Variants in CYP26A1 observed in about 807,000 individuals in gnomAD.
CYP26A1 encodes the protein cytochrome P450 family 26 subfamily A member 1.
Under a neutral mutation model 47.4 loss-of-function variants are expected in CYP26A1, and 46 were observed. The ratio of observed to expected loss-of-function variants is 0.97; its 90% CI spans 0.77 to 1.24. The LOEUF is 1.24. Among genes scored for constraint, CYP26A1 ranks in the 50% most tolerant of loss-of-function variants. CYP26A1 has a pLI of 0.00. For synonymous variants in CYP26A1, 277 were observed against 263.7 expected (o/e 1.05, Z -0.49); for missense variants, 680 against 644.4 (o/e 1.06, Z -0.60).
chr10:93,075,923 A>G lies in CYP26A1; in HGVS notation c.962A>G (p.His321Arg). ...ATCACTTACCTGGGGCTCTACCCAC[A>G]TGTTCTCCAGAAAGTGCGAGAAGAG... Reference protein sequence around the residue: ...SLITYLGLYPHVLQKVREELK... With the variant: ...SLITYLGLYPRVLQKVREELK... Residue 321 changes from histidine to arginine, a missense_variant, in exon 5 of 7, where the codon CAT (histidine) becomes CGT (arginine). Physicochemically the swap from His to Arg is conservative, Grantham distance 29. Coordinates refer to ENST00000224356, the MANE Select transcript of CYP26A1 (RefSeq NM_000783.4). 3 of 1,612,792 alleles carry G rather than the reference A, an allele frequency of 1.9e-6. No homozygotes were observed. Among genetic ancestry groups the G allele is most frequent in the Non-Finnish European group, 2.5e-6 (3 of 1,178,790 alleles).
intron 5 of CYP26A1, chr10:93,076,212 T>C (rs1206859625): frequency 1.9e-6 from 1 of 518,688 alleles, no homozygotes; most frequent in African/African-American, 1.9e-5. Flanking sequence ...CCGTGGAGAT[T>C]CTCAGATAGG....
In CYP26A1 at chr10:93,074,109, C is replaced by A; in HGVS notation, c.175C>A (p.Gln59Lys). 8.0e-7 allele frequency: 1 copy of A among 1,254,248 alleles called. No individual in the cohort carries two copies. The highest frequency in any genetic ancestry group is 1.1e-6 in the Non-Finnish European group (1 of 900,614). 77.7% of individuals were successfully genotyped at this position (1,254,248 alleles called of 1,614,324 possible). ...MGFPFFGETL[Q>K]MVLQRRKFLQ... ...CTTCCCCTTCTTTGGGGAAACCTTGCAGATGGTACTGCAGGTAAGGGAGGG... is the reference window on the plus strand; with the variant it reads ...CTTCCCCTTCTTTGGGGAAACCTTGAAGATGGTACTGCAGGTAAGGGAGGG... The change falls in exon 1 of 7, where the codon CAG becomes AAG. Residue 59 changes from glutamine to lysine, a missense_variant. By Grantham distance (53) the Gln-to-Lys change is moderately conservative. Transcript: ENST00000224356. This position sits in a 1 kb window ranked among gnomAD's most constrained non-coding sequence, Gnocchi z 5.3.
intron 6 of CYP26A1, 133 bp downstream of exon 6, chr10:93,076,829 G>A: frequency 1.1e-6 from 1 of 907,046 alleles, no homozygotes; most frequent in Non-Finnish European, 1.7e-6. Context: ...TCAGCAACCT[G>A]GATCCACCTC....
rs367860330 is a variant in CYP26A1, at chr10:93,075,232, G to A, written c.789G>A (p.Ala263=). The stretch of plus-strand genomic sequence containing the variant: ...TCTGCGGGCTGCGGGCATCCGAGGC[G>A]GGCCAGGGCTGCAAAGACGCGCTGC... ...AKICGLRASE[A]GQGCKDALQL... Residue 263 remains alanine, a synonymous_variant, in exon 4 of 7, where the codon GCG becomes GCA. Coordinates refer to ENST00000224356, the MANE Select transcript of CYP26A1 (RefSeq NM_000783.4). The A allele has an allele frequency of 3.1e-6, 5 of 1,613,916 alleles. No homozygotes were observed. In the African/African-American group the frequency reaches 6.7e-5, roughly 22 times the overall value.
intron 6 of CYP26A1, 31 bp downstream of exon 6, chr10:93,076,727 T>C (rs551595926): frequency 1.0e-5 from 16 of 1,542,450 alleles, no homozygotes; most frequent in Non-Finnish European, 1.4e-5. Flanking sequence ...TTCTCCCTTT[T>C]GTTGTGGTTT....
Position 93,075,970 on chromosome 10 carries a change from C to A in CYP26A1, c.999+10C>A, listed in dbSNP as rs778556527. On this transcript the variant is annotated intron_variant, in intron 5 of 6. Transcript: ENST00000224356. ...AGAGCTGAAGAGTAAGGTAGGGAGA[C>A]TGGGTCTGGGGGTGTCCTTATTAGC... The A allele has an allele frequency of 3.7e-6, 6 of 1,609,828 alleles. No homozygotes were observed. The East Asian group carries it at 1.3e-4, about 36-fold the overall frequency.
rs1222334743 is a variant in CYP26A1 at position 93,074,706 on chromosome 10, G to C, written c.415-73G>C. 7.5e-7 allele frequency: 1 copy of C among 1,332,900 alleles called. No homozygotes were observed. The highest frequency in any genetic ancestry group is 1.4e-5 in the African/African-American group (1 of 69,782). 82.6% of individuals were successfully genotyped at this position (1,332,900 alleles called of 1,614,324 possible). A position where few individuals can be genotyped will look rare whatever the true frequency, so the allele number is the denominator to read the frequency against. Reference sequence around the variant, plus strand: ...CCATGTGTCTGGCAGGACTGGGGGTGTCTGGAAGGGGACGGCGGTAGACGA... The same window carrying C: ...CCATGTGTCTGGCAGGACTGGGGGTCTCTGGAAGGGGACGGCGGTAGACGA... On this transcript the variant is annotated intron_variant, in intron 2 of 6. Coordinates refer to ENST00000224356, the MANE Select transcript of CYP26A1 (RefSeq NM_000783.4). This position sits in a 1 kb window ranked among gnomAD's most constrained non-coding sequence, Gnocchi z 5.3.
rs763817649 is a variant in CYP26A1 at position 93,076,668 on chromosome 10, G to A, written c.1124G>A (p.Arg375Gln). 20 of 1,610,934 alleles carry A rather than the reference G, an allele frequency of 1.2e-5. No homozygotes were observed. Among genetic ancestry groups the A allele is most frequent in the Middle Eastern group, 3.3e-4 (2 of 6,052 alleles). Residue 375 changes from arginine (R) to glutamine (Q), a missense_variant, in exon 6 of 7, where the codon CGG (arginine) becomes CAG (glutamine). Coordinates refer to ENST00000224356, the MANE Select transcript of CYP26A1 (RefSeq NM_000783.4). Reference protein sequence around the residue: ...RLNPPVPGGFRVALKTFELNG... With the variant: ...RLNPPVPGGFQVALKTFELNG... ...AATCCCCCAGTTCCAGGAGGGTTTC[G>A]GGTTGCTCTGAAGACTTTTGAATTA...
chr10:93,073,875 C>T, upstream of CYP26A1: 1 of 661,838 alleles, frequency 1.5e-6, no homozygotes, highest in Admixed American at 2.5e-5. Context: ...AAAGCGGCAG[C>T]GCCGTGGGGT....
In CYP26A1 at chr10:93,077,197, T is replaced by A. The variant is rs1372276928; in HGVS notation, c.1387T>A (p.Cys463Ser). 1.2e-6 allele frequency: 2 copies of A among 1,611,488 alleles called. No individual in the cohort carries two copies. The highest frequency in any genetic ancestry group is 2.2e-5 in the South Asian group (2 of 90,992). Residue 463 changes from cysteine to serine, a missense_variant, in exon 7 of 7, where the codon TGT becomes AGT. Physicochemically the swap from Cys to Ser is moderately radical, Grantham distance 112. Coordinates refer to ENST00000224356, the MANE Select transcript of CYP26A1 (RefSeq NM_000783.4). Reference sequence around the variant, plus strand: ...ATTTACAGTGGAGCTGGCCAGGCATTGTGACTGGCAGCTTCTAAATGGACC... The same window carrying A: ...ATTTACAGTGGAGCTGGCCAGGCATAGTGACTGGCAGCTTCTAAATGGACC... ...KIFTVELARH[C>S]DWQLLNGPPT...
In CYP26A1 at chr10:93,075,002, C is replaced by A. The variant is rs762998559; in HGVS notation, c.638C>A (p.Ala213Asp). The change falls in exon 3 of 7, where the codon GCC (alanine) becomes GAC (aspartate). Residue 213 changes from alanine (A) to aspartate (D), a missense_variant. Physicochemically the swap from Ala to Asp is moderately radical, Grantham distance 126. Transcript: ENST00000224356. ...DGDSEQQLVE[A>D]FEEMTRNLFS... The stretch of plus-strand genomic sequence containing the variant: ...GACTCCGAGCAGCAGCTTGTGGAGG[C>A]CTTCGAGGAAATGACCCGCAATCTC... 6.2e-7 allele frequency: 1 copy of A among 1,613,068 alleles called. No homozygotes were observed. Among genetic ancestry groups the A allele is most frequent in the South Asian group, 1.1e-5 (1 of 91,082 alleles).
rs1213591921 is a variant in CYP26A1 at position 93,074,563 on chromosome 10, A to G, written c.414+31A>G. ...GGCAGGAGGCGACGGCTGGACAGGG[A>G]GGGGGACCCCATTTATGAGCGGAAT... On this transcript the variant is annotated intron_variant, in intron 2 of 6. Transcript: ENST00000224356. This position sits in a 1 kb window ranked among gnomAD's most constrained non-coding sequence, Gnocchi z 5.3. 7.2e-7 allele frequency: 1 copy of G among 1,381,134 alleles called. No homozygotes were observed. Among genetic ancestry groups the G allele is most frequent in the Non-Finnish European group, 1.0e-6 (1 of 968,732 alleles). The allele number at this position is 1,381,134 out of a possible 1,614,324, so 85.6% of individuals were successfully genotyped here. A position where few individuals can be genotyped will look rare whatever the true frequency, so the allele number is the denominator to read the frequency against.
Position 93,074,849 on chromosome 10 carries a change from G to A in CYP26A1, c.485G>A (p.Ser162Asn), listed in dbSNP as rs779780252. Residue 162 changes from serine to asparagine, a missense_variant, in exon 3 of 7, where the codon AGC becomes AAC. Ser to Asn is a conservative substitution (Grantham distance 46, BLOSUM62 1). Transcript: ENST00000224356. The surrounding 1 kb of genome is among the most constrained non-coding windows in gnomAD (Gnocchi z 5.3). ...YVPVITEEVG[S>N]SLEQWLSCGE... ...CCGGTGATCACCGAGGAAGTGGGCA[G>A]CAGCCTGGAGCAGTGGCTGAGCTGC... is the stretch of plus-strand genomic sequence containing the variant. 3 of 1,612,242 alleles carry A rather than the reference G, an allele frequency of 1.9e-6. No homozygotes were observed. The highest frequency in any genetic ancestry group is 1.7e-6 in the Non-Finnish European group (2 of 1,179,874).
chr10:93,074,942 T>C lies in CYP26A1; in HGVS notation c.578T>C (p.Leu193Pro). Residue 193 changes from leucine (L) to proline (P), a missense_variant, in exon 3 of 7, where the codon CTA becomes CCA. Transcript: ENST00000224356. This position sits in a 1 kb window ranked among gnomAD's most constrained non-coding sequence, Gnocchi z 5.3. ...RLMFRIAMRI[L>P]LGCEPQLAGD... ...ATGTTCCGAATCGCCATGCGCATCCTACTGGGCTGCGAACCCCAACTGGCG... is the reference window on the plus strand; with the variant it reads ...ATGTTCCGAATCGCCATGCGCATCCCACTGGGCTGCGAACCCCAACTGGCG... 1 of 1,613,280 alleles carries C rather than the reference T, an allele frequency of 6.2e-7. No individual in the cohort carries two copies. The highest frequency in any genetic ancestry group is 1.6e-4 in the Middle Eastern group (1 of 6,062).
intron 4 of CYP26A1, 190 bp from the exon 5 acceptor site, chr10:93,075,636 C>G: frequency 1.7e-6 from 1 of 592,058 alleles, no homozygotes; most frequent in Non-Finnish European, 3.0e-6. Context: ...GGGTCGTACT[C>G]GCCTTACTGC....
chr10:93,073,899 G>T lies in CYP26A1; in HGVS notation c.-36G>T, dbSNP rs376312987. The T allele has an allele frequency of 9.4e-4, 685 of 731,706 alleles. 12 individuals carry two copies. The African/African-American group carries it at 0.011, about 11-fold the overall frequency. 45.3% of individuals were successfully genotyped at this position (731,706 alleles called of 1,614,324 possible). A position where few individuals can be genotyped will look rare whatever the true frequency, so the allele number is the denominator to read the frequency against. On this transcript the variant is annotated 5_prime_UTR_variant, in exon 1 of 7. Coordinates refer to ENST00000224356, the MANE Select transcript of CYP26A1 (RefSeq NM_000783.4). ...GCGCCGTGGGGTTTGAAGCGCTGGC[G>T]GCGGCGGCAGGTGGCGCGGGAGGTC... is the stretch of plus-strand genomic sequence containing the variant.
rs932316345 is a variant in CYP26A1, at chr10:93,074,197, G to T, written c.189+74G>T. The T allele has an allele frequency of 2.0e-6, 3 of 1,518,504 alleles. No homozygotes were observed. Among genetic ancestry groups the T allele is most frequent in the African/African-American group, 1.4e-5 (1 of 72,370 alleles). 94.1% of individuals were successfully genotyped at this position (1,518,504 alleles called of 1,614,324 possible). On this transcript the variant is annotated intron_variant, in intron 1 of 6. Transcript: ENST00000224356. The surrounding 1 kb of genome is among the most constrained non-coding windows in gnomAD (Gnocchi z 5.3). ...GCTCTGGGCTTCTGCTGAAGTCGGG[G>T]TAGGCGCCCCCGGGAGGCATGCTAT...
At position 93,075,844 on chromosome 10, in the gene CYP26A1, A is replaced by T. The variant is rs748998239; in HGVS notation, c.883A>T (p.Thr295Ser). The T allele has an allele frequency of 6.2e-7, 1 of 1,612,292 alleles. No individual in the cohort carries two copies. The highest frequency in any genetic ancestry group is 1.1e-5 in the South Asian group (1 of 91,046). Residue 295 changes from threonine (T) to serine (S), a missense_variant, in exon 5 of 7, where the codon ACC becomes TCC. Physicochemically the swap from Thr to Ser is moderately conservative, Grantham distance 58 (BLOSUM62 1). Transcript: ENST00000224356. ...TTCTTAGGCACTAAAGCAATCTTCAACCGAACTCCTCTTTGGAGGACACGA... is the reference window on the plus strand; with the variant it reads ...TTCTTAGGCACTAAAGCAATCTTCATCCGAACTCCTCTTTGGAGGACACGA... ...LDMQALKQSS[T>S]ELLFGGHETT...
Position 93,074,333 on chromosome 10 carries a change from G to T in CYP26A1, c.215G>T (p.Arg72Leu), listed in dbSNP as rs562861556. The T allele has an allele frequency of 1.2e-6, 2 of 1,608,262 alleles. No individual in the cohort carries two copies. Among genetic ancestry groups the T allele is most frequent in the African/African-American group, 1.3e-5 (1 of 74,954 alleles). The change falls in exon 2 of 7, where the codon CGC becomes CTC. Residue 72 changes from arginine (R) to leucine (L), a missense_variant. Arg to Leu is a moderately radical substitution (Grantham distance 102, BLOSUM62 -2). Coordinates refer to ENST00000224356, the MANE Select transcript of CYP26A1 (RefSeq NM_000783.4). This position sits in a 1 kb window ranked among gnomAD's most constrained non-coding sequence, Gnocchi z 5.3. ...CGGAGGAAGTTCCTGCAGATGAAGC[G>T]CAGGAAATACGGCTTCATCTACAAG... is the stretch of plus-strand genomic sequence containing the variant. ...LQRRKFLQMK[R>L]RKYGFIYKTH...
Sources: gnomAD v4.1 joint callset for allele counts on GRCh38, gnomAD v4.1.1 for gene constraint, Gnocchi (gnomAD v3.1) non-coding constraint, MANE v1.5 for transcripts, NCBI Gene and HGNC (gene_info 2026-07-23, HGNC 2026-07-21) for gene names.